The following SSPN variants were observed in gnomAD, a reference collection of about 807,000 sequenced individuals.
SSPN encodes sarcospan, also known as K-ras oncogene-associated protein.
SSPN carries 15 observed loss-of-function variants against 19.1 expected under a neutral mutation model. That is an observed-to-expected ratio of 0.78 (90% CI 0.52 to 1.21). SSPN has a LOEUF of 1.21. SSPN is among the 50% of genes most tolerant of loss of function. The pLI, the probability that SSPN is intolerant of heterozygous loss-of-function variation, is 0.00. For synonymous variants in SSPN, 147 were observed against 140.3 expected (o/e 1.05, Z -0.34); for missense variants, 291 against 314.0 (o/e 0.93, Z 0.55).
chr12:26,143,882 T>C (rs1944474667), intron 1 of SSPN, among the ~76,000 whole-genome samples: 1 of 152,220 alleles, frequency 6.6e-6, no homozygotes, highest in East Asian at 1.9e-4. Flanking sequence ...CAAAACCCTA[T>C]TGTGAACTGC....
At chr12:26,140,946 C>CG (rs2137405577) in intron 1 of SSPN, among the ~76,000 whole-genome samples, 1 of 152,208 alleles carries the variant, frequency 6.6e-6, no homozygotes, top group East Asian at 1.9e-4. Context: ...TAAAGCAGCT[C>CG]CTGCCACTTT....
chr12:26,204,605 T>G (rs1944915096), intron 1 of SSPN, among the ~76,000 whole-genome samples: 1 of 152,112 alleles, frequency 6.6e-6, no homozygotes, highest in Non-Finnish European at 1.5e-5. Flanking sequence ...TGGGGGGTGG[T>G]GATTGCATAC....
At chr12:26,122,807 C>A in intron 1 of SSPN, 2 of 1,593,200 alleles carry the variant, frequency 1.3e-6, no homozygotes, top group Non-Finnish European at 8.5e-7. Context: ...TGTCGGTGTC[C>A]GTGTCGTTCT....
At chr12:26,131,900 C>G (rs982812724) in intron 1 of SSPN, among the ~76,000 whole-genome samples, 1 of 152,138 alleles carries the variant, frequency 6.6e-6, no homozygotes, top group Non-Finnish European at 1.5e-5. Context: ...CAATAGGGAC[C>G]TAGGTGTGCT....
At chr12:26,205,037 G>C (rs1461860081) in intron 1 of SSPN, among the ~76,000 whole-genome samples, 1 of 152,190 alleles carries the variant, frequency 6.6e-6, no homozygotes, top group Non-Finnish European at 1.5e-5. Flanking sequence ...GTTTCCTGGG[G>C]CTGGCAAAAG....
chr12:26,148,490 A>T (rs1944506300), intron 1 of SSPN, among the ~76,000 whole-genome samples: 1 of 152,248 alleles, frequency 6.6e-6, no homozygotes, highest in South Asian at 2.1e-4. Context: ...GAACGGGCCA[A>T]CATGATGTGC....
chr12:26,179,386 T>G (rs995588845), intron 1 of SSPN, among the ~76,000 whole-genome samples: 2 of 152,144 alleles, frequency 1.3e-5, no homozygotes, highest in Admixed American at 1.3e-4. Flanking sequence ...TGACTGGATC[T>G]CACTCAAACT....
intron 1 of SSPN, among the ~76,000 whole-genome samples, chr12:26,217,764 T>A (rs1945070936): frequency 6.6e-6 from 1 of 151,124 alleles, no homozygotes; most frequent in Non-Finnish European, 1.5e-5. Context: ...ATACCTAATT[T>A]ATTGAGAGTT....
At chr12:26,161,972 C>T (rs894473833) in intron 1 of SSPN, among the ~76,000 whole-genome samples, 2 of 152,202 alleles carry the variant, frequency 1.3e-5, no homozygotes, top group Non-Finnish European at 2.9e-5. Flanking sequence ...GGATGGGTAC[C>T]AGTCCGTGGC....
At chr12:26,226,085 G>T (rs933141126) in intron 2 of SSPN, among the ~76,000 whole-genome samples, 2 of 152,066 alleles carry the variant, frequency 1.3e-5, no homozygotes, top group Non-Finnish European at 2.9e-5. Flanking sequence ...CCCGTGACAG[G>T]CATTGGCAAA....
intron 1 of SSPN, among the ~76,000 whole-genome samples, chr12:26,186,511 C>A (rs1226935935): frequency 6.6e-6 from 1 of 152,226 alleles, no homozygotes; most frequent in African/African-American, 2.4e-5. Flanking sequence ...AGAATGGCTT[C>A]ATGTCTTCCC....
chr12:26,158,959 G>A (rs1240002184), intron 1 of SSPN, among the ~76,000 whole-genome samples: 1 of 152,256 alleles, frequency 6.6e-6, no homozygotes, highest in African/African-American at 2.4e-5. Context: ...GACAGCAGCA[G>A]AGACAGCTGG....
At chr12:26,153,928 A>G (rs944016854) in intron 1 of SSPN, among the ~76,000 whole-genome samples, 44 of 152,382 alleles carry the variant, frequency 2.9e-4, no homozygotes, top group African/African-American at 1.0e-3. Context: ...TGAAGCAGCC[A>G]AAGGCAAGGA....
chr12:26,158,919 T>TC (rs1944571585), intron 1 of SSPN, among the ~76,000 whole-genome samples: 2 of 152,202 alleles, frequency 1.3e-5, no homozygotes, highest in Non-Finnish European at 2.9e-5. Flanking sequence ...GAGGAGGAGA[T>TC]CTGGGGTCAG....
At chr12:26,184,644 A>T (rs1944740339) in intron 1 of SSPN, among the ~76,000 whole-genome samples, 1 of 152,200 alleles carries the variant, frequency 6.6e-6, no homozygotes, top group Non-Finnish European at 1.5e-5. Flanking sequence ...CTGTCCAGAG[A>T]ACTTTAGTGG....
At chr12:26,201,059 T>TA (rs1944880625) in intron 1 of SSPN, among the ~76,000 whole-genome samples, 1 of 125,418 alleles carries the variant, frequency 8.0e-6, no homozygotes, top group African/African-American at 2.9e-5. Context: ...TATATATATA[T>TA]TTGGAAATAA....
chr12:26,230,913 C>CT lies in SSPN; in HGVS notation c.572dup (p.Lys192GlnfsTer11), dbSNP rs1292125510. 6.2e-7 allele frequency: 1 copy of CT among 1,614,040 alleles called. No homozygotes were observed. Among genetic ancestry groups the CT allele is most frequent in the Non-Finnish European group, 8.5e-7 (1 of 1,180,024 alleles). On this transcript the variant is annotated frameshift_variant, in exon 3 of 3. Transcript: ENST00000242729. LOFTEE classifies it high-confidence loss of function. Reference sequence around the variant, plus strand: ...ACGGACTGTACCAGCGTCACTGGCACTTTCAAACTGTTCTTACTCATCCAG... The same window carrying CT: ...ACGGACTGTACCAGCGTCACTGGCACTTTTCAAACTGTTCTTACTCATCCAG...
At chr12:26,203,694 T>C (rs1356221596) in intron 1 of SSPN, among the ~76,000 whole-genome samples, 2 of 152,200 alleles carry the variant, frequency 1.3e-5, no homozygotes, top group African/African-American at 2.4e-5. Flanking sequence ...CTTTCTGTCT[T>C]AGTCGGCTCA....
intron 1 of SSPN, among the ~76,000 whole-genome samples, chr12:26,186,699 G>A (rs1162812089): frequency 1.3e-5 from 2 of 152,188 alleles, no homozygotes; most frequent in African/African-American, 2.4e-5. Flanking sequence ...CCTAAGTCAG[G>A]GAACCTTCAC....
Sources: allele counts gnomAD v4.1 joint callset (sites outside exome capture counted in the v4.1 genomes callset), GRCh38; gene constraint gnomAD v4.1.1; transcripts MANE v1.5; gene names NCBI Gene and HGNC (gene_info 2026-07-23, HGNC 2026-07-21).